The following MTMR9 variants were observed in gnomAD, a reference collection of about 807,000 sequenced individuals.
MTMR9 encodes the protein myotubularin-related protein 9.
MTMR9 carries 39 observed loss-of-function variants against 69.5 expected under a neutral mutation model. The ratio of observed to expected loss-of-function variants is 0.56; its 90% confidence interval spans 0.43 to 0.73. MTMR9 has a LOEUF of 0.73. Ranked by LOEUF, MTMR9 falls within the 30% of genes least tolerant of loss-of-function variation. The pLI is 0.00. For missense variants in MTMR9, 900 were observed against 671.2 expected (o/e 1.34, Z -3.77); for synonymous variants, 354 against 240.8 (o/e 1.47, Z -4.35).
chr8:11,290,700 G>T (rs541332578), intron 1 of MTMR9, among the ~76,000 whole-genome samples: 3 of 152,092 alleles, frequency 2.0e-5, no homozygotes, highest in East Asian at 3.9e-4. Context: ...CCCAACCTTG[G>T]CTGGTTTATG....
intron 2 of MTMR9, chr8:11,297,944 C>T: frequency 4.4e-6 from 2 of 456,238 alleles, no homozygotes; most frequent in Non-Finnish European, 8.8e-6. Context: ...TACATCTGGA[C>T]ACGATTTGTG....
chr8:11,312,698 A>C (rs908049240), intron 6 of MTMR9, among the ~76,000 whole-genome samples: 5 of 152,236 alleles, frequency 3.3e-5, no homozygotes, highest in African/African-American at 1.2e-4. Context: ...GCATCTAGAA[A>C]GGTGAATTCT....
In MTMR9 at chr8:11,328,063, G is replaced by A. The variant is rs1038541335; in HGVS notation, c.*5275G>A. The stretch of plus-strand genomic sequence containing the variant: ...GCGTATGGTGTTCCTCTGCCTCAGA[G>A]GACAGTTGCACAGATGGCTAGTGTT... On this transcript the variant is annotated 3_prime_UTR_variant, in exon 10 of 10. Transcript: ENST00000221086. The A allele has an allele frequency of 6.6e-6, 1 of 152,074 alleles. No homozygotes were observed. The highest frequency in any genetic ancestry group is 1.9e-4 in the East Asian group (1 of 5,202). 9.4% of individuals were successfully genotyped at this position (152,074 alleles called of 1,614,324 possible).
At chr8:11,298,727 C>T in intron 2 of MTMR9, 2 of 920,460 alleles carry the variant, frequency 2.2e-6, no homozygotes, top group East Asian at 1.2e-4. Flanking sequence ...TGCACCCCCC[C>T]CCCGCCATCC....
chr8:11,334,979 A>G, the MTMR9 span, among the ~76,000 whole-genome samples: 2 of 152,304 alleles, frequency 1.3e-5, no homozygotes, highest in Admixed American at 6.5e-5. Context: ...TGCAGCTAAC[A>G]TACTTAATGT....
rs1484759577 is a variant in MTMR9 at position 11,323,303 on chromosome 8, T to C, written c.*515T>C. ...GTGTCTTCGCCACATAAAATAGCCA[T>C]TTTCTTTAAAATAGTTTTGGACTAA... On this transcript the variant is annotated 3_prime_UTR_variant, in exon 10 of 10. Transcript: ENST00000221086. 2.0e-5 allele frequency: 3 copies of C among 152,252 alleles called. No homozygotes were observed. The highest frequency in any genetic ancestry group is 4.4e-5 in the Non-Finnish European group (3 of 68,042). 9.4% of individuals were successfully genotyped at this position (152,252 alleles called of 1,614,324 possible). A position where few individuals can be genotyped will look rare whatever the true frequency, so the allele number is the denominator to read the frequency against.
At chr8:11,312,067 C>T (rs569565377) in intron 6 of MTMR9, among the ~76,000 whole-genome samples, 7 of 152,194 alleles carry the variant, frequency 4.6e-5, no homozygotes, top group Admixed American at 6.5e-5. Flanking sequence ...ATTTAGGAGA[C>T]AGGGCCTTGC....
chr8:11,290,322 C>T (rs567854499), intron 1 of MTMR9, among the ~76,000 whole-genome samples: 77 of 151,836 alleles, frequency 5.1e-4, no homozygotes, highest in African/African-American at 1.4e-3. Flanking sequence ...TTGTCCTTCT[C>T]ATGTTGATTT....
intron 1 of MTMR9, among the ~76,000 whole-genome samples, chr8:11,293,763 TAA>T (rs59697084): frequency 2.8e-5 from 4 of 143,786 alleles, no homozygotes. Context: ...TCAAATTCTT[TAA>T]AAAAAAAAAA....
At chr8:11,297,952 G>A (rs773138516) in intron 2 of MTMR9, 3 of 456,200 alleles carry the variant, frequency 6.6e-6, no homozygotes, top group Non-Finnish European at 1.3e-5. Flanking sequence ...GACACGATTT[G>A]TGAGTAGTAA....
At position 11,295,936 on chromosome 8, in the gene MTMR9, A is replaced by G. The variant is rs1427082412; in HGVS notation, c.291+634A>G. Among the ~76,000 whole-genome samples the G allele has an allele frequency of 3.3e-5, 5 of 152,106 alleles. No individual in the cohort carries two copies. In the South Asian group the frequency reaches 1.0e-3, roughly 32 times the overall value. On this transcript the variant is annotated intron_variant, in intron 2 of 9. Coordinates refer to ENST00000221086, the MANE Select transcript of MTMR9 (RefSeq NM_015458.4). The stretch of plus-strand genomic sequence containing the variant: ...GAGTTCCTTAGAGACACTGCAAACC[A>G]CTAGTGAGTTAACCAGTGCACTGTT...
At chr8:11,288,143 ATTAT>A (rs896177431) in intron 1 of MTMR9, among the ~76,000 whole-genome samples, 20 of 133,280 alleles carry the variant, frequency 1.5e-4, no homozygotes, top group Non-Finnish European at 2.6e-4. Context: ...TATTCACCTA[ATTAT>A]TCAGCGAATA....
chr8:11,317,526 G>C (rs1175132029), intron 8 of MTMR9: 1 of 152,102 alleles, frequency 6.6e-6, no homozygotes, highest in Non-Finnish European at 1.5e-5. Flanking sequence ...ATCTGATGCT[G>C]ATCTGACAGG....
At chr8:11,293,701 G>A (rs537997421) in intron 1 of MTMR9, among the ~76,000 whole-genome samples, 1 of 151,320 alleles carries the variant, frequency 6.6e-6, no homozygotes, top group Admixed American at 6.6e-5. Context: ...TTACATTTAG[G>A]TAAAAGGTCC....
intron 1 of MTMR9, among the ~76,000 whole-genome samples, chr8:11,290,469 C>T (rs1035815040): frequency 6.6e-6 from 1 of 151,858 alleles, no homozygotes. Flanking sequence ...TAATGCAGAA[C>T]TTGCCAATGT....
chr8:11,317,699 C>G (rs973437277), intron 8 of MTMR9: 1 of 152,392 alleles, frequency 6.6e-6, no homozygotes, highest in South Asian at 2.1e-4. Context: ...TAGAAACTGT[C>G]CTCAGGCCCA....
At chr8:11,320,356 A>T (rs987513394) in intron 9 of MTMR9, 1 of 152,312 alleles carries the variant, frequency 6.6e-6, no homozygotes, top group Admixed American at 6.5e-5. Flanking sequence ...TCTATTCTAA[A>T]GTAGATTTTT....
chr8:11,293,477 A>T (rs181038885), intron 1 of MTMR9, among the ~76,000 whole-genome samples: 2 of 152,348 alleles, frequency 1.3e-5, no homozygotes, highest in Non-Finnish European at 1.5e-5. Context: ...GAAGTCCTCA[A>T]TAGCCTACAG....
rs1385277715 is a variant in MTMR9, at chr8:11,326,678, A to G, written c.*3890A>G. 2.0e-5 allele frequency: 3 copies of G among 152,264 alleles called. No individual in the cohort carries two copies. Among genetic ancestry groups the G allele is most frequent in the African/African-American group, 7.2e-5 (3 of 41,468 alleles). The allele number at this position is 152,264 out of a possible 1,614,324, so 9.4% of individuals were successfully genotyped here. A position where few individuals can be genotyped will look rare whatever the true frequency, so the allele number is the denominator to read the frequency against. On this transcript the variant is annotated 3_prime_UTR_variant, in exon 10 of 10. Transcript: ENST00000221086. Reference sequence around the variant, plus strand: ...ATTTTTATGTTACCCATCATCTTTAAAAACATTATAGGCTGGGCATGGTGG... The same window carrying G: ...ATTTTTATGTTACCCATCATCTTTAGAAACATTATAGGCTGGGCATGGTGG...
Sources: allele counts gnomAD v4.1 joint callset (sites outside exome capture counted in the v4.1 genomes callset), GRCh38; gene constraint gnomAD v4.1.1; transcripts MANE v1.5; gene names NCBI Gene and HGNC (gene_info 2026-07-23, HGNC 2026-07-21).